AQP1: variants seen among roughly 807,000 people sequenced by gnomAD.
AQP1 encodes the protein aquaporin-1.
In AQP1, 11 loss-of-function variants were observed where a neutral mutation model predicts 19.7. That is an observed-to-expected ratio of 0.56 (90% CI 0.35 to 0.92). The LOEUF (loss-of-function observed/expected upper bound fraction) is 0.92. Ranked by LOEUF, AQP1 falls within the 40% of genes least tolerant of loss-of-function variation. The probability of loss-of-function intolerance (pLI) is 0.01; values close to 1 mark genes in which losing one functional copy is unlikely to be tolerated. For synonymous variants in AQP1, 159 were observed against 166.7 expected (o/e 0.95, Z 0.36); for missense variants, 320 against 369.7 (o/e 0.87, Z 1.10).
intron 1 of AQP1, among the ~76,000 whole-genome samples, chr7:30,921,058 A>G (rs1280909449): frequency 6.6e-6 from 1 of 152,160 alleles, no homozygotes; most frequent in African/African-American, 2.4e-5. Context: ...GTTTGGGTGC[A>G]CCAGCCCTGC....
rs756931426 is a variant in AQP1 at position 30,911,922 on chromosome 7, T to C, written c.13T>C (p.Phe5Leu). 5.6e-6 allele frequency: 9 copies of C among 1,611,476 alleles called. No individual in the cohort carries two copies. The highest frequency in any genetic ancestry group is 5.0e-5 in the Admixed American group (3 of 59,856). ...GCCCCCTGCCAGCATGGCCAGCGAG[T>C]TCAAGAAGAAGCTCTTCTGGAGGGC... is the stretch of plus-strand genomic sequence containing the variant. The part of the protein sequence containing the change: MASE[F>L]KKKLFWRAVV... Residue 5 changes from phenylalanine (F) to leucine (L), a missense_variant, in exon 1 of 4, where the codon TTC (phenylalanine) becomes CTC (leucine). Physicochemically the swap from Phe to Leu is conservative, Grantham distance 22. Transcript: ENST00000311813.
Position 30,923,644 on chromosome 7 carries a change from G to T in AQP1, c.*15G>T. The T allele has an allele frequency of 6.4e-7, 1 of 1,563,742 alleles. No individual in the cohort carries two copies. ...AGCCCAAATAGAAGGGGTCTGGCCC[G>T]GGCATCCACGTAGGGGGCAGGGGCA... On this transcript the variant is annotated 3_prime_UTR_variant, in exon 4 of 4. Coordinates refer to ENST00000311813, the MANE Select transcript of AQP1 (RefSeq NM_198098.4). This position sits in a 1 kb window ranked among gnomAD's most constrained non-coding sequence, Gnocchi z 4.8.
At position 30,923,674 on chromosome 7, in the gene AQP1, C is replaced by T. The variant is rs140536387; in HGVS notation, c.*45C>T. The T allele has an allele frequency of 9.2e-3, 4,162 of 452,730 alleles. 108 individuals are homozygous for T. In the African/African-American group the frequency reaches 0.12, roughly 13 times the overall value. The allele number at this position is 452,730 out of a possible 1,614,324, so 28.0% of individuals were successfully genotyped here. ...TCCACGTAGGGGGCAGGGGCAGGGG[C>T]GGGCGGAGGGAGGGGAGGGGTGAAA... On this transcript the variant is annotated 3_prime_UTR_variant, in exon 4 of 4. Transcript: ENST00000311813. The surrounding 1 kb of genome is among the most constrained non-coding windows in gnomAD (Gnocchi z 4.8).
rs560221857 is a variant in AQP1, at chr7:30,923,948, C to T, written c.*319C>T. 80 of 1,414,476 alleles carry T rather than the reference C, an allele frequency of 5.7e-5. 3 individuals are homozygous for T. The South Asian group carries it at 8.8e-4, about 16-fold the overall frequency. The allele number at this position is 1,414,476 out of a possible 1,614,324, so 87.6% of individuals were successfully genotyped here. Reference sequence around the variant, plus strand: ...CATGATGGGAGGTGTGCCAGAAAGTCCCCCCTCGCCCCAAAGTTGCTCACC... The same window carrying T: ...CATGATGGGAGGTGTGCCAGAAAGTTCCCCCTCGCCCCAAAGTTGCTCACC... On this transcript the variant is annotated 3_prime_UTR_variant, in exon 4 of 4. Coordinates refer to ENST00000311813, the MANE Select transcript of AQP1 (RefSeq NM_198098.4). This position sits in a 1 kb window ranked among gnomAD's most constrained non-coding sequence, Gnocchi z 4.8.
chr7:30,922,186 C>T lies in AQP1; in HGVS notation c.505C>T (p.Pro169Ser). 1 of 1,612,304 alleles carries T rather than the reference C, an allele frequency of 6.2e-7. No individual in the cohort carries two copies. The highest frequency in any genetic ancestry group is 8.5e-7 in the Non-Finnish European group (1 of 1,179,988). Reference sequence around the variant, plus strand: ...GCGCCGTGACCTTGGTGGCTCAGCCCCCCTTGCCATCGGCCTCTCTGTAGC... The same window carrying T: ...GCGCCGTGACCTTGGTGGCTCAGCCTCCCTTGCCATCGGCCTCTCTGTAGC... ...RRRRDLGGSA[P>S]LAIGLSVALG... is the part of the protein sequence containing the mutation. The change falls in exon 2 of 4, where the codon CCC (proline) becomes TCC (serine). Residue 169 changes from proline to serine, a missense_variant. Transcript: ENST00000311813.
At position 30,923,961 on chromosome 7, in the gene AQP1, A is replaced by C; in HGVS notation, c.*332A>C. The C allele has an allele frequency of 1.4e-6, 2 of 1,406,856 alleles. No homozygotes were observed. The highest frequency in any genetic ancestry group is 9.4e-7 in the Non-Finnish European group (1 of 1,058,640). 87.1% of individuals were successfully genotyped at this position (1,406,856 alleles called of 1,614,324 possible). On this transcript the variant is annotated 3_prime_UTR_variant, in exon 4 of 4. Coordinates refer to ENST00000311813, the MANE Select transcript of AQP1 (RefSeq NM_198098.4). The surrounding 1 kb of genome is among the most constrained non-coding windows in gnomAD (Gnocchi z 4.8). ...GTGCCAGAAAGTCCCCCCTCGCCCC[A>C]AAGTTGCTCACCGACTCACCTGCGC... is the stretch of plus-strand genomic sequence containing the variant.
Position 30,913,799 on chromosome 7 carries a change from C to T in AQP1, c.384+1506C>T, listed in dbSNP as rs28362696. On this transcript the variant is annotated intron_variant, in intron 1 of 3. Coordinates refer to ENST00000311813, the MANE Select transcript of AQP1 (RefSeq NM_198098.4). ...ACTTTAGCCAGTTTAGACGTGGCCG[C>T]GGGGGATGTACGGGACAGAGCTCAG... Among the ~76,000 whole-genome samples the T allele has an allele frequency of 5.3e-5, 8 of 152,168 alleles. No homozygotes were observed. The South Asian group carries it at 6.2e-4, about 12-fold the overall frequency.
At position 30,922,047 on chromosome 7, in the gene AQP1, C is replaced by A. The variant is rs751416967; in HGVS notation, c.385-19C>A. The A allele has an allele frequency of 6.2e-7, 1 of 1,613,556 alleles. No individual in the cohort carries two copies. Among genetic ancestry groups the A allele is most frequent in the South Asian group, 1.1e-5 (1 of 91,090 alleles). On this transcript the variant is annotated intron_variant, in intron 1 of 3. Coordinates refer to ENST00000311813, the MANE Select transcript of AQP1 (RefSeq NM_198098.4). The stretch of plus-strand genomic sequence containing the variant: ...TGCCTACCCTCCTCACCAGTCCTCA[C>A]CACCTCTCTCCCCTGCAGCTGGCTG...
At chr7:30,922,782 C>A in intron 3 of AQP1, 138 bp downstream of exon 3, 1 of 887,870 alleles carries the variant, frequency 1.1e-6, no homozygotes, top group Non-Finnish European at 1.8e-6. Flanking sequence ...CTGAGGCCTG[C>A]CATGTAGAGG....
chr7:30,921,601 G>T, intron 1 of AQP1: 1 of 1,550,300 alleles, frequency 6.5e-7, no homozygotes, highest in South Asian at 1.2e-5. Context: ...GTCGGGCATG[G>T]GGTGGAATGT....
chr7:30,923,782 G>A lies in AQP1; in HGVS notation c.*153G>A. 2 of 1,512,474 alleles carry A rather than the reference G, an allele frequency of 1.3e-6. No homozygotes were observed. Among genetic ancestry groups the A allele is most frequent in the Non-Finnish European group, 8.9e-7 (1 of 1,128,396 alleles). 93.7% of individuals were successfully genotyped at this position (1,512,474 alleles called of 1,614,324 possible). A position where few individuals can be genotyped will look rare whatever the true frequency, so the allele number is the denominator to read the frequency against. On this transcript the variant is annotated 3_prime_UTR_variant, in exon 4 of 4. Transcript: ENST00000311813. This position sits in a 1 kb window ranked among gnomAD's most constrained non-coding sequence, Gnocchi z 4.8. ...ACCTGCATGGTCAAGCCTCTTATGG[G>A]GGTGTTTCTATCTCTTTCTTTCTCT...
intron 1 of AQP1, chr7:30,921,491 A>C: frequency 6.7e-7 from 1 of 1,484,290 alleles, no homozygotes; most frequent in Non-Finnish European, 9.0e-7. Flanking sequence ...AAGGAGAGAG[A>C]GAGGGTGGAG....
chr7:30,921,341 CG>C, intron 1 of AQP1: 1 of 1,356,938 alleles, frequency 7.4e-7, no homozygotes, highest in Non-Finnish European at 9.4e-7. Flanking sequence ...ACGGTGGTGG[CG>C]GGGCCTATCT....
At chr7:30,913,038 A>G (rs1291364235) in intron 1 of AQP1, among the ~76,000 whole-genome samples, 1 of 151,952 alleles carries the variant, frequency 6.6e-6, no homozygotes, top group Non-Finnish European at 1.5e-5. Flanking sequence ...GTTTGCCAGC[A>G]TGAGTCTCTG....
At position 30,912,148 on chromosome 7, in the gene AQP1, C is replaced by G; in HGVS notation, c.239C>G (p.Thr80Arg). The change falls in exon 1 of 4, where the codon ACA (threonine) becomes AGA (arginine). Residue 80 changes from threonine (T) to arginine (R), a missense_variant. Thr to Arg is a moderately conservative substitution (Grantham distance 71, BLOSUM62 -1). Transcript: ENST00000311813. The surrounding 1 kb of genome is among the most constrained non-coding windows in gnomAD (Gnocchi z 4.3). Reference protein sequence around the residue: ...ISGAHLNPAVTLGLLLSCQIS... With the variant: ...ISGAHLNPAVRLGLLLSCQIS... ...GGCGCCCACCTCAACCCGGCTGTCA[C>G]ACTGGGGCTGCTGCTCAGCTGCCAG... 6.2e-7 allele frequency: 1 copy of G among 1,613,112 alleles called. No individual in the cohort carries two copies.
In AQP1 at chr7:30,924,888, A is replaced by C. The variant is rs1791637018; in HGVS notation, c.*1259A>C. 6.6e-6 allele frequency: 1 copy of C among 152,292 alleles called. No individual in the cohort carries two copies. Among genetic ancestry groups the C allele is most frequent in the African/African-American group, 2.4e-5 (1 of 41,474 alleles). The allele number at this position is 152,292 out of a possible 1,614,324, so 9.4% of individuals were successfully genotyped here. ...CCCCTGGCCACAGCCTTCCCTCTGCATTGACCTGGAGGGGAGAGGTCAGCC... is the reference window on the plus strand; with the variant it reads ...CCCCTGGCCACAGCCTTCCCTCTGCCTTGACCTGGAGGGGAGAGGTCAGCC... On this transcript the variant is annotated 3_prime_UTR_variant, in exon 4 of 4. Transcript: ENST00000311813.
intron 1 of AQP1, among the ~76,000 whole-genome samples, chr7:30,915,720 A>C (rs1403174753): frequency 6.6e-6 from 1 of 152,168 alleles, no homozygotes; most frequent in Non-Finnish European, 1.5e-5. Context: ...CTGCTCAAGA[A>C]GTGTTTCTAC....
chr7:30,923,752 G>T lies in AQP1; in HGVS notation c.*123G>T, dbSNP rs973245291. On this transcript the variant is annotated 3_prime_UTR_variant, in exon 4 of 4. Coordinates refer to ENST00000311813, the MANE Select transcript of AQP1 (RefSeq NM_198098.4). The surrounding 1 kb of genome is among the most constrained non-coding windows in gnomAD (Gnocchi z 4.8). Reference sequence around the variant, plus strand: ...GGCCAAAGTCACTTCCCCAAGATCTGCCAGACCTGCATGGTCAAGCCTCTT... The same window carrying T: ...GGCCAAAGTCACTTCCCCAAGATCTTCCAGACCTGCATGGTCAAGCCTCTT... The T allele has an allele frequency of 6.7e-7, 1 of 1,503,666 alleles. No individual in the cohort carries two copies. Among genetic ancestry groups the T allele is most frequent in the Non-Finnish European group, 8.9e-7 (1 of 1,122,442 alleles). 93.1% of individuals were successfully genotyped at this position (1,503,666 alleles called of 1,614,324 possible).
chr7:30,913,827 A>AG (rs752497385), intron 1 of AQP1, among the ~76,000 whole-genome samples: 52 of 140,230 alleles, frequency 3.7e-4, no homozygotes, highest in Admixed American at 8.9e-4. Context: ...GAGCTCAGGC[A>AG]GGCCACATCA....
Sources: gnomAD v4.1 joint callset for allele counts (sites outside exome capture counted in the v4.1 genomes callset) on GRCh38, gnomAD v4.1.1 for gene constraint, Gnocchi (gnomAD v3.1) non-coding constraint, MANE v1.5 for transcripts, NCBI Gene and HGNC (gene_info 2026-07-23, HGNC 2026-07-21) for gene names.